Variants in LRRTM3 observed in about 807,000 individuals in gnomAD.
LRRTM3 encodes leucine rich repeat transmembrane neuronal 3, also known as leucine-rich repeat transmembrane neuronal protein 3.
A neutral mutation model predicts 44.7 loss-of-function variants in LRRTM3; 24 were observed. The observed-to-expected ratio is 0.54, with a 90% confidence interval of 0.39 to 0.76. The LOEUF is 0.76. Ranked by LOEUF, LRRTM3 falls within the 30% of genes least tolerant of loss-of-function variation. The pLI, the probability that LRRTM3 is intolerant of heterozygous loss-of-function variation, is 0.00. For missense variants in LRRTM3, 587 were observed against 702.2 expected (o/e 0.84, Z 1.85); for synonymous variants, 277 against 278.7 (o/e 0.99, Z 0.06).
Position 66,978,526 on chromosome 10 carries a change from C to CAAA in LRRTM3, c.1536+50099_1536+50101dup, listed in dbSNP as rs1170594360. ...TGGATGATAGAGTGAGACTCCATCTCAAAAAAAAAAAAAAAAAAAAAAAAA... is the reference window on the plus strand; with the variant it reads ...TGGATGATAGAGTGAGACTCCATCTCAAAAAAAAAAAAAAAAAAAAAAAAAAAA... On this transcript the variant is annotated intron_variant, in intron 2 of 2. Transcript: ENST00000361320. Among the ~76,000 whole-genome samples, 93 of 42,304 alleles carry CAAA rather than the reference C, an allele frequency of 2.2e-3. 3 individuals carry two copies. Among genetic ancestry groups the CAAA allele is most frequent in the African/African-American group, 4.3e-3 (42 of 9,738 alleles). 27.8% of individuals were successfully genotyped at this position (42,304 alleles called of 152,430 possible). A position where few individuals can be genotyped will look rare whatever the true frequency, so the allele number is the denominator to read the frequency against.
At chr10:67,055,989 G>C (rs2133202306) in intron 2 of LRRTM3, among the ~76,000 whole-genome samples, 1 of 152,104 alleles carries the variant, frequency 6.6e-6, no homozygotes, top group Non-Finnish European at 1.5e-5. Flanking sequence ...CTGTACTCTT[G>C]CCTCACCTCT....
intron 2 of LRRTM3, among the ~76,000 whole-genome samples, chr10:67,039,159 C>CTA (rs1265771008): frequency 6.6e-6 from 1 of 152,054 alleles, no homozygotes; most frequent in African/African-American, 2.4e-5. Context: ...ATAAGCTATA[C>CTA]TGTTACCATA....
chr10:67,040,021 TGAG>T (rs1199613821), intron 2 of LRRTM3, among the ~76,000 whole-genome samples: 1 of 152,120 alleles, frequency 6.6e-6, no homozygotes, highest in Non-Finnish European at 1.5e-5. Flanking sequence ...GTGCTGATCA[TGAG>T]GAGGGTTAGT....
At chr10:67,042,693 G>GA (rs935878322) in intron 2 of LRRTM3, among the ~76,000 whole-genome samples, 3 of 151,308 alleles carry the variant, frequency 2.0e-5, no homozygotes, top group South Asian at 2.1e-4. Flanking sequence ...ACTATTAGAG[G>GA]AAAAAAAAGA....
intron 2 of LRRTM3, among the ~76,000 whole-genome samples, chr10:67,045,729 C>T (rs547726077): frequency 6.6e-6 from 1 of 152,118 alleles, no homozygotes; most frequent in Non-Finnish European, 1.5e-5. Context: ...CCGAGACCAG[C>T]CAAGGCCCCC....
intron 2 of LRRTM3, among the ~76,000 whole-genome samples, chr10:67,053,583 T>G (rs901821739): frequency 2.6e-5 from 4 of 152,200 alleles, no homozygotes; most frequent in Non-Finnish European, 5.9e-5. Flanking sequence ...CATAAATTCT[T>G]TTGTTTTCAT....
intron 2 of LRRTM3, among the ~76,000 whole-genome samples, chr10:67,090,793 G>A (rs944385108): frequency 6.6e-6 from 1 of 152,066 alleles, no homozygotes; most frequent in African/African-American, 2.4e-5. Context: ...TGGCTAGGCA[G>A]AGTAACAGCT....
chr10:66,928,598 G>A (rs1181811643), intron 2 of LRRTM3, 146 bp downstream of exon 2: 5 of 698,302 alleles, frequency 7.2e-6, no homozygotes, highest in Middle Eastern at 3.7e-4. Context: ...TTCCTTGTCC[G>A]TTTTAGTGCA....
intron 2 of LRRTM3, among the ~76,000 whole-genome samples, chr10:67,072,526 C>G (rs978595505): frequency 2.0e-5 from 3 of 152,116 alleles, no homozygotes; most frequent in African/African-American, 4.8e-5. Flanking sequence ...TTCTCACTTT[C>G]GATATTAAGC....
chr10:66,942,661 ACTCT>A (rs907050898), intron 2 of LRRTM3, among the ~76,000 whole-genome samples: 1 of 141,538 alleles, frequency 7.1e-6, no homozygotes, highest in African/African-American at 2.6e-5. Context: ...TCACTTTCTC[ACTCT>A]CTCTTTCCTT....
intron 2 of LRRTM3, among the ~76,000 whole-genome samples, chr10:67,097,278 C>T (rs2131932250): frequency 6.6e-6 from 1 of 151,874 alleles, no homozygotes; most frequent in Middle Eastern, 3.4e-3. Context: ...AATTATTTTC[C>T]CAGTTAGCGA....
chr10:67,041,334 C>T (rs1854382486), intron 2 of LRRTM3, among the ~76,000 whole-genome samples: 2 of 152,128 alleles, frequency 1.3e-5, no homozygotes, highest in Middle Eastern at 3.4e-3. Flanking sequence ...AAGGGGCCTT[C>T]GTGATACCTG....
chr10:66,962,400 TTTTTTG>T (rs1405950965), intron 2 of LRRTM3, among the ~76,000 whole-genome samples: 1 of 147,868 alleles, frequency 6.8e-6, no homozygotes, highest in Non-Finnish European at 1.5e-5. Context: ...TTTTGTTTTG[TTTTTTG>T]TTTTTGTTTT....
Position 66,926,590 on chromosome 10 carries a change from AT to A in LRRTM3, c.4+4del. 6.2e-7 allele frequency: 1 copy of A among 1,614,030 alleles called. No homozygotes were observed. The highest frequency in any genetic ancestry group is 8.5e-7 in the Non-Finnish European group (1 of 1,179,988). ...CCTTTGAACAATACAAAGGATGGGT[AT>A]GTTTTGTCATTTTTCTTCTTTCCTT... On this transcript the variant is annotated splice_donor_region_variant and intron_variant, in intron 1 of 2. Transcript: ENST00000361320.
chr10:66,963,997 C>A (rs1271051389), intron 2 of LRRTM3, among the ~76,000 whole-genome samples: 2 of 151,942 alleles, frequency 1.3e-5, no homozygotes, highest in African/African-American at 4.8e-5. Context: ...CAGGCATGCA[C>A]CACCATGCCC....
chr10:66,958,585 T>C (rs1274319255), intron 2 of LRRTM3, among the ~76,000 whole-genome samples: 1 of 152,124 alleles, frequency 6.6e-6, no homozygotes, highest in African/African-American at 2.4e-5. Context: ...AGTAAGCGAA[T>C]CCTGCCATTT....
chr10:66,963,591 G>C (rs931244515), intron 2 of LRRTM3, among the ~76,000 whole-genome samples: 1 of 152,076 alleles, frequency 6.6e-6, no homozygotes, highest in Non-Finnish European at 1.5e-5. Context: ...TGGGTAGAGA[G>C]GTTTACTGGG....
At chr10:66,957,633 G>T (rs1207563679) in intron 2 of LRRTM3, among the ~76,000 whole-genome samples, 1 of 151,604 alleles carries the variant, frequency 6.6e-6, no homozygotes, top group Non-Finnish European at 1.5e-5. Flanking sequence ...CACTCAAAAG[G>T]AGTGACTCAA....
At chr10:66,995,919 T>C (rs560325013) in intron 2 of LRRTM3, among the ~76,000 whole-genome samples, 3 of 152,342 alleles carry the variant, frequency 2.0e-5, no homozygotes, top group South Asian at 4.1e-4. Context: ...TGATATTGCA[T>C]TAGACATTGT....
Sources: allele counts gnomAD v4.1 joint callset (sites outside exome capture counted in the v4.1 genomes callset), GRCh38; gene constraint gnomAD v4.1.1; transcripts MANE v1.5; gene names NCBI Gene and HGNC (gene_info 2026-07-23, HGNC 2026-07-21).